Variants in F5 observed in about 807,000 individuals in gnomAD.
F5 encodes coagulation factor V.
F5 carries 138 observed loss-of-function variants against 216.4 expected under a neutral mutation model. The observed-to-expected ratio is 0.64, with a 90% CI of 0.56 to 0.73. The LOEUF (loss-of-function observed/expected upper bound fraction) is 0.73, where lower values mean the gene tolerates loss of function less well. Ranked by LOEUF, F5 falls within the 30% of genes least tolerant of loss-of-function variation. F5 has a pLI of 0.00. For missense variants in F5, 2,403 were observed against 2,674.0 expected (o/e 0.90, Z 2.24); for synonymous variants, 916 against 930.7 (o/e 0.98, Z 0.29).
In F5 at chr1:169,572,366, T is replaced by C. The variant is rs752272222; in HGVS notation, c.251-23A>G. 3.1e-6 allele frequency: 5 copies of C among 1,612,172 alleles called. No individual in the cohort carries two copies. In the East Asian group the frequency reaches 1.1e-4, roughly 36 times the overall value. On this transcript the variant is annotated intron_variant, in intron 2 of 24. Transcript: ENST00000367797. ...GTCCTGTGAAAACAAATATTTAAACTATGTCTGTATTCAGGGTCATCAAAG... is the reference window on the plus strand; with the variant it reads ...GTCCTGTGAAAACAAATATTTAAACCATGTCTGTATTCAGGGTCATCAAAG...
At chr1:169,549,721 T>A in intron 10 of F5, 80 bp downstream of exon 10, 1 of 1,006,588 alleles carries the variant, frequency 9.9e-7, no homozygotes, top group Non-Finnish European at 1.5e-6. Context: ...AATGCCCCAT[T>A]ATTTAGCCAG....
At position 169,517,453 on chromosome 1, in the gene F5, T is replaced by C. The variant is rs937076050; in HGVS notation, c.6345+959A>G. Among the ~76,000 whole-genome samples, 9 of 152,110 alleles carry C rather than the reference T, an allele frequency of 5.9e-5. No individual in the cohort carries two copies. In the East Asian group the frequency reaches 1.5e-3, roughly 26 times the overall value. On this transcript the variant is annotated intron_variant, in intron 23 of 24. Transcript: ENST00000367797. ...CCTTTCTAGTGGCCTAATTTAAGGATAGGCCCTGGAATTCTATAGAAAGCC... is the reference window on the plus strand; with the variant it reads ...CCTTTCTAGTGGCCTAATTTAAGGACAGGCCCTGGAATTCTATAGAAAGCC...
At chr1:169,562,741 C>T (rs1157435106) in intron 3 of F5, among the ~76,000 whole-genome samples, 2 of 151,976 alleles carry the variant, frequency 1.3e-5, no homozygotes, top group Non-Finnish European at 2.9e-5. Flanking sequence ...TAATATATTT[C>T]CATTTCTTCC....
intron 1 of F5, among the ~76,000 whole-genome samples, chr1:169,583,722 C>CA: frequency 6.6e-6 from 1 of 152,218 alleles, no homozygotes; most frequent in East Asian, 1.9e-4. Flanking sequence ...TCTCAGAAAG[C>CA]AAAAACAAAT....
Position 169,542,394 on chromosome 1 carries a change from C to T in F5, c.2696G>A (p.Gly899Asp). 1.2e-6 allele frequency: 2 copies of T among 1,614,084 alleles called. No homozygotes were observed. Among genetic ancestry groups the T allele is most frequent in the Non-Finnish European group, 1.7e-6 (2 of 1,179,968 alleles). The change falls in exon 13 of 25, where the codon GGT becomes GAT. Residue 899 changes from glycine (G) to aspartate (D), a missense_variant. By Grantham distance (94) the Gly-to-Asp change is moderately conservative (BLOSUM62 -1). Transcript: ENST00000367797. The part of the protein sequence containing the change: ...KVGRHLSQDT[G>D]SPSGMRPWED... ...CCAGGGCCTCATTCCGGAAGGAGAA[C>T]CAGTGTCTTGGCTTAGGTGTCTCCC...
intron 21 of F5, among the ~76,000 whole-genome samples, chr1:169,521,140 G>A (rs768566330): frequency 1.3e-5 from 2 of 152,104 alleles, no homozygotes; most frequent in African/African-American, 4.8e-5. Flanking sequence ...GAAAACTGGT[G>A]GACACTGACT....
chr1:169,559,343 G>A (rs9332567), intron 4 of F5, 47 bp from the exon 5 acceptor site: 22 of 1,598,808 alleles, frequency 1.4e-5, no homozygotes, highest in Middle Eastern at 3.3e-4. Context: ...GATAGAAGAC[G>A]CTCATTAGCT....
chr1:169,546,585 G>A lies in F5; in HGVS notation c.1619C>T (p.Ala540Val). The A allele has an allele frequency of 1.2e-6, 2 of 1,613,952 alleles. No homozygotes were observed. The highest frequency in any genetic ancestry group is 1.7e-6 in the Non-Finnish European group (2 of 1,179,884). Residue 540 changes from alanine (A) to valine (V), a missense_variant, in exon 11 of 25, where the codon GCA becomes GTA. This residue lies in a region of F5 where 1,425 missense variants were observed against 1,554.8 expected (regional missense o/e 0.92). Coordinates refer to ENST00000367797, the MANE Select transcript of F5 (RefSeq NM_000130.5). ...SLDRRGIQRAADIEQQAVFAV... is the reference protein window; with the variant it reads ...SLDRRGIQRAVDIEQQAVFAV... Reference sequence around the variant, plus strand: ...AAACACAGCCTGCTGTTCGATGTCTGCTGCCCTCTGGAGGACAAAACAGTA... The same window carrying A: ...AAACACAGCCTGCTGTTCGATGTCTACTGCCCTCTGGAGGACAAAACAGTA...
Position 169,511,985 on chromosome 1 carries a change from C to CCG in F5, c.*2327_*2328insCG. On this transcript the variant is annotated 3_prime_UTR_variant, in exon 25 of 25. Coordinates refer to ENST00000367797, the MANE Select transcript of F5 (RefSeq NM_000130.5). ...GGGTATCTTTTTTATTTCAAAATAACAGGGGTTTTAATATTTCTACACAGC... is the reference window on the plus strand; with the variant it reads ...GGGTATCTTTTTTATTTCAAAATAACCGAGGGGTTTTAATATTTCTACACAGC... Among the ~76,000 whole-genome samples the CCG allele has an allele frequency of 6.6e-6, 1 of 152,072 alleles. No homozygotes were observed. The highest frequency in any genetic ancestry group is 2.4e-5 in the African/African-American group (1 of 41,506).
intron 11 of F5, among the ~76,000 whole-genome samples, chr1:169,545,778 T>C (rs1235820883): frequency 6.6e-6 from 1 of 152,232 alleles, no homozygotes; most frequent in Admixed American, 6.5e-5. Context: ...ACCATGACTC[T>C]AGACTCTGAG....
chr1:169,571,907 C>G (rs895374333), intron 3 of F5, among the ~76,000 whole-genome samples: 1 of 152,118 alleles, frequency 6.6e-6, no homozygotes, highest in Non-Finnish European at 1.5e-5. Flanking sequence ...TACTGACCCC[C>G]GCCTTAAACC....
At chr1:169,583,362 A>G (rs1240220832) in intron 1 of F5, among the ~76,000 whole-genome samples, 1 of 152,182 alleles carries the variant, frequency 6.6e-6, no homozygotes, top group Non-Finnish European at 1.5e-5. Context: ...TAATGTGGGG[A>G]CAGTGGCCCA....
At position 169,552,558 on chromosome 1, in the gene F5, T is replaced by C. The variant is rs944924564; in HGVS notation, c.1295A>G (p.Lys432Arg). The change falls in exon 8 of 25, where the codon AAA becomes AGA. Residue 432 changes from lysine (K) to arginine (R), a missense_variant and splice_region_variant. This residue lies in a region of F5 where 1,425 missense variants were observed against 1,554.8 expected (regional missense o/e 0.92). Transcript: ENST00000367797. ...TGATTCTGTATTTGTGTTACTTACT[T>C]TGAGTGTGTCTCTGACCTGGGCTCT... Reference protein sequence around the residue: ...IIRAQVRDTLKIVFKNMASRP... With the variant: ...IIRAQVRDTLRIVFKNMASRP... The C allele has an allele frequency of 1.2e-6, 2 of 1,612,680 alleles. No homozygotes were observed. Among genetic ancestry groups the C allele is most frequent in the Non-Finnish European group, 1.7e-6 (2 of 1,178,836 alleles).
At chr1:169,574,312 C>G (rs1660793880) in intron 2 of F5, among the ~76,000 whole-genome samples, 1 of 152,132 alleles carries the variant, frequency 6.6e-6, no homozygotes, top group South Asian at 2.1e-4. Context: ...CCAAATATCA[C>G]CTCAGCCTCA....
chr1:169,563,390 G>A (rs1262098907), intron 3 of F5, among the ~76,000 whole-genome samples: 1 of 151,964 alleles, frequency 6.6e-6, no homozygotes, highest in African/African-American at 2.4e-5. Flanking sequence ...GAATTTTTCA[G>A]TCATTATTTC....
rs1222796189 is a variant in F5 at position 169,552,544 on chromosome 1, T to C, written c.1296+13A>G. ...TGTAATTTCTCCCATGATTCTGTAT[T>C]TGTGTTACTTACTTTGAGTGTGTCT... On this transcript the variant is annotated intron_variant, in intron 8 of 24. Transcript: ENST00000367797. The C allele has an allele frequency of 1.9e-6, 3 of 1,608,476 alleles. No homozygotes were observed. The highest frequency in any genetic ancestry group is 1.7e-5 in the Admixed American group (1 of 59,988).
intron 7 of F5, among the ~76,000 whole-genome samples, chr1:169,553,502 A>G (rs771721560): frequency 1.3e-5 from 2 of 152,188 alleles, no homozygotes; most frequent in Non-Finnish European, 2.9e-5. Context: ...AGGTCAGGAG[A>G]TCGAGACCAT....
chr1:169,513,181 T>C lies in F5; in HGVS notation c.*1132A>G, dbSNP rs185213313. On this transcript the variant is annotated 3_prime_UTR_variant, in exon 25 of 25. Transcript: ENST00000367797. ...TTATATATTTATGGTATACATAACA[T>C]TTTGATATATGTACACGTTACAGGA... Among the ~76,000 whole-genome samples, 5 of 152,214 alleles carry C rather than the reference T, an allele frequency of 3.3e-5. No homozygotes were observed. The highest frequency in any genetic ancestry group is 5.9e-5 in the Non-Finnish European group (4 of 68,000).
At chr1:169,564,587 T>C (rs1036304389) in intron 3 of F5, among the ~76,000 whole-genome samples, 3 of 152,064 alleles carry the variant, frequency 2.0e-5, no homozygotes, top group African/African-American at 7.2e-5. Context: ...TGTCTAGTTG[T>C]TGAGAAAAAG....
Sources: gnomAD v4.1 joint callset for allele counts (sites outside exome capture counted in the v4.1 genomes callset) on GRCh38, gnomAD v4.1.1 for gene constraint, gnomAD v4.1.1 regional missense constraint, MANE v1.5 for transcripts, NCBI Gene and HGNC (gene_info 2026-07-23, HGNC 2026-07-21) for gene names.